The following AHCTF1 variants were observed in gnomAD, a reference collection of about 807,000 sequenced individuals.
AHCTF1 encodes the protein AT-hook containing transcription factor 1, also known as protein ELYS.
Under a neutral mutation model 248.4 loss-of-function variants are expected in AHCTF1, and 24 were observed. The observed-to-expected ratio is 0.10, with a 90% confidence interval of 0.07 to 0.14. The LOEUF is 0.14. AHCTF1 is among the 10% of genes least tolerant of loss of function. The probability of loss-of-function intolerance (pLI) is 1.00; values close to 1 mark genes in which losing one functional copy is unlikely to be tolerated. For synonymous variants in AHCTF1, 786 were observed against 929.8 expected (o/e 0.85, Z 2.81); for missense variants, 2,206 against 2,636.2 (o/e 0.84, Z 3.57).
Position 246,892,892 on chromosome 1 carries a change from C to T in AHCTF1, c.1805-973G>A, listed in dbSNP as rs1664318680. Reference sequence around the variant, plus strand: ...AACTCCTGGCCTCAAGCAATCCTCTCATCTCAGCCTCCTAAAGTACTGGGA... The same window carrying T: ...AACTCCTGGCCTCAAGCAATCCTCTTATCTCAGCCTCCTAAAGTACTGGGA... On this transcript the variant is annotated intron_variant, in intron 14 of 35. Transcript: ENST00000648844. Among the ~76,000 whole-genome samples the T allele has an allele frequency of 2.6e-5, 4 of 152,124 alleles. No individual in the cohort carries two copies. In the South Asian group the frequency reaches 8.3e-4, roughly 31 times the overall value.
intron 24 of AHCTF1, 148 bp downstream of exon 24, chr1:246,875,889 A>G: frequency 1.4e-6 from 1 of 715,716 alleles, no homozygotes; most frequent in South Asian, 2.5e-5. Flanking sequence ...ACTTCATTGC[A>G]GTGATCTGGA....
At chr1:246,841,642 A>G (rs1186244741) in intron 35 of AHCTF1, among the ~76,000 whole-genome samples, 6 of 152,218 alleles carry the variant, frequency 3.9e-5, no homozygotes, top group Admixed American at 1.3e-4. Flanking sequence ...TTTAAAGTGT[A>G]TAATTGTTTT....
rs1378504941 is a variant in AHCTF1, at chr1:246,894,676, T to G, written c.1787A>C (p.Glu596Ala). 6.2e-7 allele frequency: 1 copy of G among 1,612,834 alleles called. No homozygotes were observed. Among genetic ancestry groups the G allele is most frequent in the African/African-American group, 1.3e-5 (1 of 75,036 alleles). Residue 596 changes from glutamate (E) to alanine (A), a missense_variant, in exon 14 of 36, where the codon GAG becomes GCG. Transcript: ENST00000648844. ...WTWNKVVLTK[E>A]EFDRLCVPLF... ...ATACTTACATAGTCTGTCAAATTCCTCTTTTGTGAGAACCACTTTATTCCA... is the reference window on the plus strand; with the variant it reads ...ATACTTACATAGTCTGTCAAATTCCGCTTTTGTGAGAACCACTTTATTCCA...
At position 246,839,913 on chromosome 1, in the gene AHCTF1, G is replaced by T. The variant is rs1010710572; in HGVS notation, c.*893C>A. The T allele has an allele frequency of 6.6e-6, 1 of 152,502 alleles. No homozygotes were observed. The highest frequency in any genetic ancestry group is 2.1e-4 in the South Asian group (1 of 4,830). 9.4% of individuals were successfully genotyped at this position (152,502 alleles called of 1,614,324 possible). On this transcript the variant is annotated 3_prime_UTR_variant, in exon 36 of 36. Transcript: ENST00000648844. The stretch of plus-strand genomic sequence containing the variant: ...CCAACCTCAATAATCTGTGCCTGAG[G>T]TCCTGTGAGAATTTGCCAGTTTTAA...
At chr1:246,861,593 A>G (rs1171022088) in intron 28 of AHCTF1, among the ~76,000 whole-genome samples, 1 of 152,216 alleles carries the variant, frequency 6.6e-6, no homozygotes, top group East Asian at 1.9e-4. Context: ...CTCAAGACAC[A>G]CCCTCAAAAA....
At chr1:246,894,088 A>G (rs928000515) in intron 14 of AHCTF1, among the ~76,000 whole-genome samples, 1 of 152,130 alleles carries the variant, frequency 6.6e-6, no homozygotes, top group African/African-American at 2.4e-5. Context: ...CCTGTGGTCC[A>G]AGCTACTCAG....
chr1:246,884,181 AACT>A (rs556019564), intron 21 of AHCTF1, among the ~76,000 whole-genome samples: 16 of 152,190 alleles, frequency 1.1e-4, no homozygotes, highest in South Asian at 4.1e-4. Context: ...ATCTTATTGA[AACT>A]ACAATTTTGA....
intron 35 of AHCTF1, 84 bp downstream of exon 35, chr1:246,842,610 T>C (rs1297367424): frequency 2.0e-6 from 2 of 1,013,462 alleles, no homozygotes; most frequent in Non-Finnish European, 2.7e-6. Flanking sequence ...TAAAATAAAA[T>C]AATAAAAGGA....
At chr1:246,882,178 T>C (rs1350208290) in intron 21 of AHCTF1, among the ~76,000 whole-genome samples, 1 of 151,240 alleles carries the variant, frequency 6.6e-6, no homozygotes, top group Non-Finnish European at 1.5e-5. Context: ...TTTGTATTTT[T>C]AGTAGAGATG....
Position 246,840,919 on chromosome 1 carries a change from C to T in AHCTF1, c.6688G>A (p.Gly2230Arg), listed in dbSNP as rs1351201718. 2.3e-5 allele frequency: 37 copies of T among 1,612,696 alleles called. No individual in the cohort carries two copies. The highest frequency in any genetic ancestry group is 8.9e-5 in the East Asian group (4 of 44,812). Reference sequence around the variant, plus strand: ...GTTTTTCTTGGTTTGCTCTTGACTCCGTCAGCTGGGCTAGCCAAGGGGGAA... The same window carrying T: ...GTTTTTCTTGGTTTGCTCTTGACTCTGTCAGCTGGGCTAGCCAAGGGGGAA... ...LISPLASPAD[G>R]VKSKPRKTTE... is the part of the protein sequence containing the mutation. The change falls in exon 36 of 36, where the codon GGA becomes AGA. Residue 2230 changes from glycine to arginine, a missense_variant. Physicochemically the swap from Gly to Arg is moderately radical, Grantham distance 125. This residue lies in a region of AHCTF1 where 469 missense variants were observed against 470.0 expected (regional missense o/e 1.00). Transcript: ENST00000648844.
chr1:246,849,980 G>T lies in AHCTF1; in HGVS notation c.6026C>A (p.Ser2009Tyr). ...KKEAPSIRRR[S>Y]TRNTPAKSEN... is the part of the protein sequence containing the mutation. ...ACTTTTAGCTGGGGTATTTCTTGTA[G>T]ATCTCCTTCTAATGCTGGGAGCTTC... Residue 2009 changes from serine to tyrosine, a missense_variant, in exon 33 of 36, where the codon TCT (serine) becomes TAT (tyrosine). This residue lies in a region of AHCTF1 where 469 missense variants were observed against 470.0 expected (regional missense o/e 1.00). Coordinates refer to ENST00000648844, the MANE Select transcript of AHCTF1 (RefSeq NM_001323342.2). 1 of 1,613,906 alleles carries T rather than the reference G, an allele frequency of 6.2e-7. No homozygotes were observed. The highest frequency in any genetic ancestry group is 8.5e-7 in the Non-Finnish European group (1 of 1,179,854).
intron 29 of AHCTF1, among the ~76,000 whole-genome samples, chr1:246,859,886 T>A (rs1661400613): frequency 6.6e-6 from 1 of 152,122 alleles, no homozygotes; most frequent in Admixed American, 6.5e-5. Flanking sequence ...AGTGATTATT[T>A]TGGAGGTGAG....
At chr1:246,868,891 T>A (rs78465670) in intron 24 of AHCTF1, among the ~76,000 whole-genome samples, 1 of 148,466 alleles carries the variant, frequency 6.7e-6, no homozygotes, top group Non-Finnish European at 1.5e-5. Context: ...GTCACCCAGG[T>A]TGGAGTGCAG....
intron 16 of AHCTF1, among the ~76,000 whole-genome samples, chr1:246,890,604 G>A (rs1021995349): frequency 3.3e-5 from 5 of 151,934 alleles, no homozygotes; most frequent in Admixed American, 2.6e-4. Context: ...CATATTAAAA[G>A]GACCATTACC....
intron 1 of AHCTF1, among the ~76,000 whole-genome samples, chr1:246,929,864 C>T (rs1023334102): frequency 3.3e-5 from 5 of 152,112 alleles, no homozygotes; most frequent in East Asian, 1.9e-4. Flanking sequence ...CCAGCCTGGC[C>T]AATATGGTGA....
In AHCTF1 at chr1:246,857,702, T is replaced by G; in HGVS notation, c.4245A>C (p.Ser1415=). The G allele has an allele frequency of 6.2e-7, 1 of 1,612,792 alleles. No individual in the cohort carries two copies. Among genetic ancestry groups the G allele is most frequent in the African/African-American group, 1.3e-5 (1 of 74,972 alleles). The change falls in exon 30 of 36, where the codon TCA becomes TCC. Residue 1415 remains serine (S), a synonymous_variant. Coordinates refer to ENST00000648844, the MANE Select transcript of AHCTF1 (RefSeq NM_001323342.2). ...QGTEASLCAP[S]VYEGKIFTQK... ...CTCCATTAACTTACCCTTCATAGAC[T>G]GATGGTGCACAAAGAGAAGCTTCAG...
chr1:246,894,435 G>T (rs994734392), intron 14 of AHCTF1, among the ~76,000 whole-genome samples: 1 of 152,036 alleles, frequency 6.6e-6, no homozygotes, highest in African/African-American at 2.4e-5. Flanking sequence ...TTAGCCGAGC[G>T]TAGTGGCGGG....
At chr1:246,869,198 A>T (rs532001185) in intron 24 of AHCTF1, among the ~76,000 whole-genome samples, 1 of 152,224 alleles carries the variant, frequency 6.6e-6, no homozygotes, top group East Asian at 1.9e-4. Context: ...GTGTCCAGCA[A>T]GTCTACTGGC....
intron 12 of AHCTF1, among the ~76,000 whole-genome samples, chr1:246,897,932 C>T (rs1410954132): frequency 1.2e-5 from 1 of 80,802 alleles, no homozygotes; most frequent in Non-Finnish European, 2.6e-5. Context: ...TGAGCCATGA[C>T]CATGCCACTG....
Sources: gnomAD v4.1 joint callset for allele counts (sites outside exome capture counted in the v4.1 genomes callset) on GRCh38, gnomAD v4.1.1 for gene constraint, gnomAD v4.1.1 regional missense constraint, MANE v1.5 for transcripts, NCBI Gene and HGNC (gene_info 2026-07-23, HGNC 2026-07-21) for gene names.